C12orf54: variants seen among roughly 807,000 people sequenced by gnomAD.
C12orf54 encodes the protein chromosome 12 open reading frame 54, also known as uncharacterized protein C12orf54.
A neutral mutation model predicts 26.4 loss-of-function variants in C12orf54; 24 were observed. The observed-to-expected ratio is 0.91, with a 90% confidence interval of 0.66 to 1.28. C12orf54 has a LOEUF of 1.28. C12orf54 is among the 50% of genes most tolerant of loss of function. The pLI is 0.00. For missense variants in C12orf54, 154 were observed against 150.9 expected, an observed-to-expected ratio of 1.02 and a Z score of -0.11; for synonymous variants, 54 against 47.0, an observed-to-expected ratio of 1.15 and a Z score of -0.61.
chr12:48,495,077 G>A (rs895207086), intron 8 of C12orf54, 98 bp downstream of exon 8: 3 of 880,032 alleles, frequency 3.4e-6, no homozygotes, highest in Non-Finnish European at 5.2e-6. Context: ...ACATGGCAGG[G>A]CAGCACCCCA....
At chr12:48,428,906 C>T in the C12orf54 span, among the ~76,000 whole-genome samples, 4 of 152,168 alleles carry the variant, frequency 2.6e-5, no homozygotes, top group Middle Eastern at 3.4e-3. Context: ...AACGTAGATG[C>T]TAAATCCTTA....
At chr12:48,449,139 A>G in the C12orf54 span, among the ~76,000 whole-genome samples, 2 of 152,218 alleles carry the variant, frequency 1.3e-5, no homozygotes, top group South Asian at 4.1e-4. Context: ...TTGAAGTCTC[A>G]TAGTGGCTGC....
the C12orf54 span, among the ~76,000 whole-genome samples, chr12:48,440,528 C>T: frequency 6.6e-6 from 1 of 152,208 alleles, no homozygotes; most frequent in Non-Finnish European, 1.5e-5. Flanking sequence ...TCTGCCCAGT[C>T]CTTCCTCTGC....
At chr12:48,434,706 C>CTGT in the C12orf54 span, among the ~76,000 whole-genome samples, 1 of 152,334 alleles carries the variant, frequency 6.6e-6, no homozygotes, top group Non-Finnish European at 1.5e-5. Context: ...AGGGTCCTGA[C>CTGT]TGTTAGAAGG....
chr12:48,421,512 CTTTTTTTT>C, the C12orf54 span, among the ~76,000 whole-genome samples: 9 of 43,448 alleles, frequency 2.1e-4, no homozygotes, highest in African/African-American at 6.6e-4. Context: ...ATATCATGTG[CTTTTTTTT>C]TTTTTTTTTT....
At chr12:48,461,799 C>A in the C12orf54 span, among the ~76,000 whole-genome samples, 1 of 151,684 alleles carries the variant, frequency 6.6e-6, no homozygotes, top group Non-Finnish European at 1.5e-5. Flanking sequence ...AATTAAAGGT[C>A]TAAAGTCAGT....
At chr12:48,457,972 A>T in the C12orf54 span, among the ~76,000 whole-genome samples, 2 of 152,188 alleles carry the variant, frequency 1.3e-5, no homozygotes, top group Non-Finnish European at 2.9e-5. Flanking sequence ...CAGAAAGCTT[A>T]GTTGACAGGA....
the C12orf54 span, among the ~76,000 whole-genome samples, chr12:48,469,304 G>A: frequency 2.0e-5 from 3 of 152,268 alleles, no homozygotes; most frequent in East Asian, 1.9e-4. Context: ...GGCCATTTTA[G>A]GGACTCCCCC....
chr12:48,427,030 G>A, the C12orf54 span, among the ~76,000 whole-genome samples: 2 of 152,138 alleles, frequency 1.3e-5, no homozygotes, highest in Non-Finnish European at 2.9e-5. Flanking sequence ...TACAAACAGC[G>A]ATAGTTTGAC....
At chr12:48,417,458 T>A in the C12orf54 span, 11 of 152,346 alleles carry the variant, frequency 7.2e-5, no homozygotes, top group Admixed American at 5.9e-4. Context: ...GAATCAAGGT[T>A]AAAATTCTGA....
At chr12:48,460,043 A>G in the C12orf54 span, among the ~76,000 whole-genome samples, 1 of 152,332 alleles carries the variant, frequency 6.6e-6, no homozygotes, top group East Asian at 1.9e-4. Context: ...AAAGCCTCAG[A>G]TGTACAAAAA....
At chr12:48,493,380 A>G (rs1304113269) in intron 7 of C12orf54, among the ~76,000 whole-genome samples, 1 of 152,182 alleles carries the variant, frequency 6.6e-6, no homozygotes, top group Non-Finnish European at 1.5e-5. Context: ...TCACGCGTAT[A>G]ATCCCAGTAC....
chr12:48,456,308 C>T, the C12orf54 span, among the ~76,000 whole-genome samples: 1 of 152,134 alleles, frequency 6.6e-6, no homozygotes, highest in African/African-American at 2.4e-5. Context: ...AAGTTATACT[C>T]TACCAGTGTG....
intron 6 of C12orf54, among the ~76,000 whole-genome samples, chr12:48,491,077 T>C (rs1937779585): frequency 6.6e-6 from 1 of 152,226 alleles, no homozygotes; most frequent in African/African-American, 2.4e-5. Flanking sequence ...TCATAAGCAC[T>C]GCAAGTCTCT....
At chr12:48,473,141 T>A in the C12orf54 span, 1 of 1,594,082 alleles carries the variant, frequency 6.3e-7, no homozygotes, top group Non-Finnish European at 8.6e-7. Context: ...CTAACTCGGA[T>A]GGTGAGGGCT....
At chr12:48,429,191 A>G in the C12orf54 span, among the ~76,000 whole-genome samples, 5 of 152,194 alleles carry the variant, frequency 3.3e-5, no homozygotes, top group Non-Finnish European at 4.4e-5. Context: ...GCCATCTATG[A>G]AAAACCCACA....
chr12:48,472,684 T>C, the C12orf54 span: 2 of 1,614,128 alleles, frequency 1.2e-6, no homozygotes, highest in Admixed American at 1.7e-5. Context: ...GGCAAATGGA[T>C]TCATTTAGAG....
At chr12:48,427,603 C>T in the C12orf54 span, among the ~76,000 whole-genome samples, 1 of 151,784 alleles carries the variant, frequency 6.6e-6, no homozygotes, top group Non-Finnish European at 1.5e-5. Flanking sequence ...CGGTAAGTGG[C>T]CTTGTCCAAC....
the C12orf54 span, among the ~76,000 whole-genome samples, chr12:48,452,229 T>C: frequency 6.6e-6 from 1 of 151,942 alleles, no homozygotes; most frequent in Admixed American, 6.6e-5. Flanking sequence ...AAACAAGCAA[T>C]GGGGAAAGGA....
Sources: gnomAD v4.1 joint callset for allele counts (sites outside exome capture counted in the v4.1 genomes callset) on GRCh38, gnomAD v4.1.1 for gene constraint, MANE v1.5 for transcripts, NCBI Gene and HGNC (gene_info 2026-07-23, HGNC 2026-07-21) for gene names.